The following ST6GALNAC3 variants were observed in gnomAD, a reference collection of about 807,000 sequenced individuals.
The protein encoded by ST6GALNAC3 is ST6 N-acetylgalactosaminide alpha-2,6-sialyltransferase 3, also known as alpha-N-acetylgalactosaminide alpha-2,6-sialyltransferase 3.
Under a neutral mutation model 32.7 loss-of-function variants are expected in ST6GALNAC3, and 25 were observed. The observed-to-expected ratio is 0.76, with a 90% CI of 0.56 to 1.07. The LOEUF is 1.07. ST6GALNAC3 is among the 50% of genes least tolerant of loss of function. ST6GALNAC3 has a pLI of 0.00. For synonymous variants in ST6GALNAC3, 129 were observed against 133.1 expected (o/e 0.97, Z 0.21); for missense variants, 355 against 382.4 (o/e 0.93, Z 0.60).
At chr1:76,499,298 A>G (rs1661043589) in intron 3 of ST6GALNAC3, among the ~76,000 whole-genome samples, 1 of 152,200 alleles carries the variant, frequency 6.6e-6, no homozygotes, top group Non-Finnish European at 1.5e-5. Context: ...ATTGTAACCT[A>G]TTAGTAATGT....
At chr1:76,283,887 T>C (rs1451806078) in intron 1 of ST6GALNAC3, among the ~76,000 whole-genome samples, 1 of 152,192 alleles carries the variant, frequency 6.6e-6, no homozygotes, top group Non-Finnish European at 1.5e-5. Context: ...GGGATTCAAA[T>C]TGTTTGGAAA....
At chr1:76,327,791 T>C (rs936161831) in intron 2 of ST6GALNAC3, among the ~76,000 whole-genome samples, 2 of 152,108 alleles carry the variant, frequency 1.3e-5, no homozygotes, top group Non-Finnish European at 2.9e-5. Context: ...GGTTTCACCA[T>C]GTTGGCCAAG....
intron 3 of ST6GALNAC3, among the ~76,000 whole-genome samples, chr1:76,444,714 A>G (rs7546379): frequency 0.74 from 111,665 of 151,922 alleles, 41,639 homozygotes; most frequent in African/African-American, 0.87. Context: ...CTGGAGAAGG[A>G]AACAGAGGAA....
chr1:76,102,127 C>T (rs954828732), intron 1 of ST6GALNAC3, among the ~76,000 whole-genome samples: 1 of 151,948 alleles, frequency 6.6e-6, no homozygotes, highest in Non-Finnish European at 1.5e-5. Flanking sequence ...TTCTCAATTA[C>T]AAAGGATCTT....
Position 76,184,144 on chromosome 1 carries a change from T to C in ST6GALNAC3, c.18+109260T>C, listed in dbSNP as rs141284840. On this transcript the variant is annotated intron_variant, in intron 1 of 4. Transcript: ENST00000328299. Reference sequence around the variant, plus strand: ...ATTAACTGTGTTATTGATTACCCCTTATGTGAACCAAAAACATCTCCATAG... The same window carrying C: ...ATTAACTGTGTTATTGATTACCCCTCATGTGAACCAAAAACATCTCCATAG... Among the ~76,000 whole-genome samples, 368 of 152,206 alleles carry C rather than the reference T, an allele frequency of 2.4e-3. 1 individual carries two copies. Among genetic ancestry groups the C allele is most frequent in the Middle Eastern group, 0.014 (4 of 294 alleles).
chr1:76,431,326 A>G (rs1178535960), intron 3 of ST6GALNAC3, among the ~76,000 whole-genome samples: 1 of 152,180 alleles, frequency 6.6e-6, no homozygotes, highest in African/African-American at 2.4e-5. Flanking sequence ...CCTCTGCCCT[A>G]AAGTGGGTGA....
At chr1:76,473,280 G>T (rs892410051) in intron 3 of ST6GALNAC3, among the ~76,000 whole-genome samples, 2 of 152,128 alleles carry the variant, frequency 1.3e-5, no homozygotes, top group African/African-American at 4.8e-5. Context: ...ACACTAGCCA[G>T]AATGTATAGT....
chr1:76,147,417 T>C (rs1359501912), intron 1 of ST6GALNAC3, among the ~76,000 whole-genome samples: 2 of 152,130 alleles, frequency 1.3e-5, no homozygotes, highest in African/African-American at 4.8e-5. Context: ...TCTTTGATTG[T>C]CTATGAAATC....
intron 2 of ST6GALNAC3, among the ~76,000 whole-genome samples, chr1:76,341,605 T>C (rs543336293): frequency 6.6e-5 from 6 of 91,264 alleles, no homozygotes; most frequent in Admixed American, 4.8e-4. Flanking sequence ...TCCAAACTGC[T>C]TTTCTTTCTT....
intron 3 of ST6GALNAC3, among the ~76,000 whole-genome samples, chr1:76,453,455 C>G (rs551811278): frequency 6.6e-6 from 1 of 152,144 alleles, no homozygotes; most frequent in Non-Finnish European, 1.5e-5. Flanking sequence ...TGCTGTATCC[C>G]AGAGGTTTTG....
intron 1 of ST6GALNAC3, among the ~76,000 whole-genome samples, chr1:76,125,475 C>T (rs1557636745): frequency 6.6e-6 from 1 of 152,162 alleles, no homozygotes; most frequent in African/African-American, 2.4e-5. Context: ...GACCCCTCCT[C>T]CACCTCTCTC....
At chr1:76,123,374 A>T (rs1030294347) in intron 1 of ST6GALNAC3, among the ~76,000 whole-genome samples, 1 of 143,056 alleles carries the variant, frequency 7.0e-6, no homozygotes, top group Admixed American at 7.2e-5. Flanking sequence ...GCGAGGCTCC[A>T]TCTCAAAAAA....
chr1:76,116,108 A>G (rs1648454188), intron 1 of ST6GALNAC3, among the ~76,000 whole-genome samples: 2 of 152,068 alleles, frequency 1.3e-5, no homozygotes, highest in African/African-American at 2.4e-5. Flanking sequence ...GTCCTGAGGG[A>G]GTCTAAGTGG....
At chr1:76,532,944 G>T (rs149392686) in intron 3 of ST6GALNAC3, among the ~76,000 whole-genome samples, 1 of 152,194 alleles carries the variant, frequency 6.6e-6, no homozygotes, top group Non-Finnish European at 1.5e-5. Context: ...TAGGAGGCAA[G>T]CAAAGAAATG....
downstream of ST6GALNAC3, chr1:76,634,730 C>G (rs1277260129): frequency 1.4e-5 from 1 of 71,524 alleles, no homozygotes; most frequent in Non-Finnish European, 2.4e-5. Context: ...GACGGAGTCT[C>G]GCTCTGTCGC....
chr1:76,292,191 A>G (rs1053371347), intron 1 of ST6GALNAC3, among the ~76,000 whole-genome samples: 6 of 152,376 alleles, frequency 3.9e-5, no homozygotes, highest in African/African-American at 1.4e-4. Context: ...AGCAACATTG[A>G]AAATATGCAC....
chr1:76,329,889 A>C (rs1386676404), intron 2 of ST6GALNAC3, among the ~76,000 whole-genome samples: 1 of 151,748 alleles, frequency 6.6e-6, no homozygotes, highest in African/African-American at 2.4e-5. Flanking sequence ...GCTCACTGCA[A>C]CCTCCATCTC....
chr1:76,094,809 G>A (rs1054540656), intron 1 of ST6GALNAC3, among the ~76,000 whole-genome samples: 1 of 152,100 alleles, frequency 6.6e-6, no homozygotes, highest in African/African-American at 2.4e-5. Flanking sequence ...GTATATGGGT[G>A]CAATCAATTC....
At chr1:76,078,933 C>A (rs181716733) in intron 1 of ST6GALNAC3, among the ~76,000 whole-genome samples, 191 of 152,206 alleles carry the variant, frequency 1.3e-3, no homozygotes, top group East Asian at 7.7e-3. Flanking sequence ...GCTATGCACC[C>A]CTATGCCTGG....
Sources: allele counts gnomAD v4.1 joint callset (sites outside exome capture counted in the v4.1 genomes callset), GRCh38; gene constraint gnomAD v4.1.1; transcripts MANE v1.5; gene names NCBI Gene and HGNC (gene_info 2026-07-23, HGNC 2026-07-21).